TXNRD1: variants seen among roughly 807,000 people sequenced by gnomAD.
The protein encoded by TXNRD1 is thioredoxin reductase 1, cytoplasmic.
A neutral mutation model predicts 80.3 loss-of-function variants in TXNRD1; 57 were observed. The ratio of observed to expected loss-of-function variants is 0.71; its 90% CI spans 0.57 to 0.89. The LOEUF (loss-of-function observed/expected upper bound fraction) is 0.89. Ranked by LOEUF, TXNRD1 falls within the 40% of genes least tolerant of loss-of-function variation. The pLI is 0.00. For missense variants in TXNRD1, 730 were observed against 803.0 expected (o/e 0.91, Z 1.10); for synonymous variants, 291 against 285.2 (o/e 1.02, Z -0.20).
chr12:104,342,462 A>G (rs1359128892), intron 16 of TXNRD1, among the ~76,000 whole-genome samples: 1 of 152,144 alleles, frequency 6.6e-6, no homozygotes, highest in African/African-American at 2.4e-5. Flanking sequence ...TCATTTCACA[A>G]TATCGTAGGA....
chr12:104,218,108 A>G (rs1328514245), intron 1 of TXNRD1, among the ~76,000 whole-genome samples: 3 of 151,596 alleles, frequency 2.0e-5, no homozygotes, highest in African/African-American at 4.9e-5. Context: ...GCTCACCACA[A>G]TCTCCGCCTC....
chr12:104,310,700 A>G lies in TXNRD1; in HGVS notation c.415-590A>G, dbSNP rs10861191. ...CTTGCTAAGTATATGGAAAGTAAAT[A>G]TTAAATATGGGAGACTTCATGCATA... On this transcript the variant is annotated intron_variant, in intron 4 of 16. Transcript: ENST00000525566. Among the ~76,000 whole-genome samples the G allele has an allele frequency of 9.4e-3, 1,437 of 152,338 alleles. 26 individuals carry two copies. The highest frequency in any genetic ancestry group is 0.033 in the African/African-American group (1,357 of 41,580).
intron 2 of TXNRD1, among the ~76,000 whole-genome samples, chr12:104,255,103 C>CTAAA (rs1017923153): frequency 6.6e-6 from 1 of 151,512 alleles, no homozygotes; most frequent in Non-Finnish European, 1.5e-5. Context: ...AAGACTCTAT[C>CTAAA]TAAATAAATA....
intron 3 of TXNRD1, chr12:104,265,535 A>C: frequency 6.2e-7 from 1 of 1,610,882 alleles, no homozygotes; most frequent in Non-Finnish European, 8.5e-7. Context: ...CTGCGGGTGA[A>C]GAACTTCAGG....
chr12:104,333,938 A>G (rs2036047148), intron 14 of TXNRD1, among the ~76,000 whole-genome samples: 1 of 152,188 alleles, frequency 6.6e-6, no homozygotes, highest in South Asian at 2.1e-4. Context: ...TCAATGTATG[A>G]CAGCAGGTAA....
intron 1 of TXNRD1, among the ~76,000 whole-genome samples, chr12:104,238,900 G>C (rs2032798355): frequency 6.6e-6 from 1 of 151,868 alleles, no homozygotes; most frequent in Non-Finnish European, 1.5e-5. Context: ...AGGCTAGAGT[G>C]CAATGGTGTG....
chr12:104,322,731 A>G (rs150940061), intron 10 of TXNRD1, among the ~76,000 whole-genome samples: 2 of 152,282 alleles, frequency 1.3e-5, no homozygotes, highest in East Asian at 3.9e-4. Context: ...CATTAGAGCT[A>G]TGATTCATAA....
chr12:104,304,499 C>A (rs1380627147), intron 4 of TXNRD1: 4 of 1,613,748 alleles, frequency 2.5e-6, no homozygotes, highest in Non-Finnish European at 3.4e-6. Flanking sequence ...ACTTGAACAC[C>A]AGAAAAAAGT....
intron 1 of TXNRD1, among the ~76,000 whole-genome samples, chr12:104,225,715 C>CTT (rs35057067): frequency 3.7e-4 from 53 of 141,506 alleles, no homozygotes; most frequent in African/African-American, 7.3e-4. Context: ...AATTAAACCT[C>CTT]TTTTTTTTTT....
At chr12:104,287,066 A>G in intron 3 of TXNRD1, 1 of 1,419,058 alleles carries the variant, frequency 7.0e-7, no homozygotes, top group Non-Finnish European at 9.2e-7. Flanking sequence ...AAGGTGGTCG[A>G]GTCCTGAAGG....
chr12:104,247,656 T>G (rs992879273), intron 1 of TXNRD1, among the ~76,000 whole-genome samples: 14 of 152,336 alleles, frequency 9.2e-5, no homozygotes, highest in African/African-American at 2.2e-4. Context: ...TTGTTTGTTT[T>G]TTTGGTAAAC....
intron 1 of TXNRD1, among the ~76,000 whole-genome samples, chr12:104,247,357 C>T (rs937803083): frequency 6.6e-6 from 1 of 152,194 alleles, no homozygotes; most frequent in African/African-American, 2.4e-5. Context: ...TGTGAGCCAC[C>T]ACGCCTGGCC....
intron 1 of TXNRD1, among the ~76,000 whole-genome samples, chr12:104,250,064 T>C (rs1278065093): frequency 6.6e-6 from 1 of 152,168 alleles, no homozygotes; most frequent in East Asian, 1.9e-4. Flanking sequence ...CTAGGTGTAG[T>C]GACAGTATAA....
At chr12:104,276,477 C>A (rs2033760613) in intron 3 of TXNRD1, 1 of 152,156 alleles carries the variant, frequency 6.6e-6, no homozygotes, top group African/African-American at 2.4e-5. Flanking sequence ...TTGAAATTAG[C>A]CAAAGTGGGA....
intron 1 of TXNRD1, among the ~76,000 whole-genome samples, chr12:104,251,054 G>C (rs763168196): frequency 1.1e-4 from 16 of 152,192 alleles, no homozygotes; most frequent in Non-Finnish European, 1.8e-4. Flanking sequence ...TCCTGTGTCT[G>C]CTTATCCAGG....
At chr12:104,323,830 C>T (rs974602424) in intron 10 of TXNRD1, among the ~76,000 whole-genome samples, 4 of 151,422 alleles carry the variant, frequency 2.6e-5, no homozygotes, top group South Asian at 2.1e-4. Context: ...ACCTCCCTCC[C>T]GGACGGGGAC....
chr12:104,321,077 T>C lies in TXNRD1; in HGVS notation c.990-14T>C. On this transcript the variant is annotated splice_polypyrimidine_tract_variant and intron_variant, in intron 9 of 16. Transcript: ENST00000525566. ...CTTTTTCTTCTTTCTTCCTTTTTTT[T>C]TTTTTTCCCCCAGTGATGATCTTTT... is the stretch of plus-strand genomic sequence containing the variant. 6.5e-7 allele frequency: 1 copy of C among 1,541,506 alleles called. No individual in the cohort carries two copies. The highest frequency in any genetic ancestry group is 8.8e-7 in the Non-Finnish European group (1 of 1,136,708).
At chr12:104,305,185 AAAC>A (rs2135789991) in intron 4 of TXNRD1, 1 of 336,770 alleles carries the variant, frequency 3.0e-6, no homozygotes, top group South Asian at 1.0e-4. Context: ...CTATTAATAA[AAAC>A]AAGTTTTGGA....
At chr12:104,330,118 T>C (rs1196478573) in intron 13 of TXNRD1, among the ~76,000 whole-genome samples, 1 of 150,602 alleles carries the variant, frequency 6.6e-6, no homozygotes, top group Non-Finnish European at 1.5e-5. Context: ...GTTCTATGTA[T>C]TTTTTTTTAG....
Sources: allele counts gnomAD v4.1 joint callset (sites outside exome capture counted in the v4.1 genomes callset), GRCh38; gene constraint gnomAD v4.1.1; transcripts MANE v1.5; gene names NCBI Gene and HGNC (gene_info 2026-07-23, HGNC 2026-07-21).